FSTL1: variants seen among roughly 807,000 people sequenced by gnomAD.
FSTL1 encodes the protein follistatin like 1.
FSTL1 carries 24 observed loss-of-function variants against 45.9 expected under a neutral mutation model. The observed-to-expected ratio is 0.52, with a 90% CI of 0.38 to 0.74. The LOEUF is 0.74. Ranked by LOEUF, FSTL1 falls within the 30% of genes least tolerant of loss-of-function variation. FSTL1 has a pLI of 0.00. For synonymous variants in FSTL1, 120 were observed against 137.6 expected (o/e 0.87, Z 0.89); for missense variants, 340 against 381.8 (o/e 0.89, Z 0.91).
intron 2 of FSTL1, chr3:120,438,242 C>G (rs763893673): frequency 6.9e-6 from 1 of 143,888 alleles, no homozygotes; most frequent in African/African-American, 2.5e-5. Flanking sequence ...AAACTGCACA[C>G]TCTGAATTAG....
chr3:120,406,969 T>C (rs1187958503), intron 6 of FSTL1, among the ~76,000 whole-genome samples: 1 of 152,214 alleles, frequency 6.6e-6, no homozygotes, highest in Non-Finnish European at 1.5e-5. Flanking sequence ...CTTACACATA[T>C]AGCCTGAAGG....
chr3:120,411,732 T>G (rs1937057704), intron 4 of FSTL1, 122 bp downstream of exon 4: 3 of 899,324 alleles, frequency 3.3e-6, no homozygotes, highest in Non-Finnish European at 5.2e-6. Context: ...ACTGGGCGCT[T>G]TCCACAGCTT....
chr3:120,417,957 CTG>C (rs1385915425), intron 2 of FSTL1, among the ~76,000 whole-genome samples: 4 of 152,318 alleles, frequency 2.6e-5, no homozygotes, highest in Admixed American at 1.3e-4. Context: ...GAAGTACCAA[CTG>C]TAAAACAAGC....
chr3:120,418,631 G>A (rs1335038228), intron 2 of FSTL1, among the ~76,000 whole-genome samples: 1 of 152,214 alleles, frequency 6.6e-6, no homozygotes, highest in Non-Finnish European at 1.5e-5. Context: ...ATTAGCAAGT[G>A]TCGGGAGAAT....
At position 120,395,789 on chromosome 3, in the gene FSTL1, A is replaced by T; in HGVS notation, c.*1163T>A. On this transcript the variant is annotated 3_prime_UTR_variant, in exon 11 of 11. Coordinates refer to ENST00000295633, the MANE Select transcript of FSTL1 (RefSeq NM_007085.5). ...AAGGTTAGTGCATTCTTACCAGCTC[A>T]CTGAGGAAACTGAGGTCCAGAAAAA... The T allele has an allele frequency of 2.0e-6, 1 of 501,266 alleles. No individual in the cohort carries two copies. Among genetic ancestry groups the T allele is most frequent in the Non-Finnish European group, 4.0e-6 (1 of 248,202 alleles). 31.1% of individuals were successfully genotyped at this position (501,266 alleles called of 1,614,324 possible).
Position 120,402,875 on chromosome 3 carries a change from G to A in FSTL1, c.738C>T (p.Thr246=), listed in dbSNP as rs201866874. Residue 246 remains threonine, a synonymous_variant, in exon 9 of 11, where the codon ACC becomes ACT. Coordinates refer to ENST00000295633, the MANE Select transcript of FSTL1 (RefSeq NM_007085.5). The part of the protein sequence containing the change: ...EDETYADGAE[T]EVDCNRCVCA... ...AGACACAGCGGTTACAGTCCACCTC[G>A]GTCTCAGCTCCATCTGCATACGTTT... The A allele has an allele frequency of 4.4e-5, 71 of 1,613,456 alleles. No individual in the cohort carries two copies. In the Admixed American group the frequency reaches 7.3e-4, roughly 17 times the overall value.
At position 120,399,969 on chromosome 3, in the gene FSTL1, G is replaced by C; in HGVS notation, c.806-10C>G. On this transcript the variant is annotated splice_polypyrimidine_tract_variant and intron_variant, in intron 9 of 10. Coordinates refer to ENST00000295633, the MANE Select transcript of FSTL1 (RefSeq NM_007085.5). Reference sequence around the variant, plus strand: ...CCCTTCTGATTCTTTCCTGCAAGAAGAACCAAAGCTCAGAGCAGTAGCAGC... The same window carrying C: ...CCCTTCTGATTCTTTCCTGCAAGAACAACCAAAGCTCAGAGCAGTAGCAGC... 6.3e-7 allele frequency: 1 copy of C among 1,593,284 alleles called. No homozygotes were observed. Among genetic ancestry groups the C allele is most frequent in the Admixed American group, 1.7e-5 (1 of 58,684 alleles).
At chr3:120,426,327 C>A (rs572131910) in intron 2 of FSTL1, among the ~76,000 whole-genome samples, 10 of 152,278 alleles carry the variant, frequency 6.6e-5, no homozygotes, top group Non-Finnish European at 1.2e-4. Flanking sequence ...TCCCTCCATC[C>A]CATGCAAGCC....
At chr3:120,439,474 T>C (rs1937605327) in intron 2 of FSTL1, among the ~76,000 whole-genome samples, 1 of 152,224 alleles carries the variant, frequency 6.6e-6, no homozygotes, top group South Asian at 2.1e-4. Context: ...AGAACTGGCT[T>C]TTGATGGAGG....
rs770785677 is a variant in FSTL1, at chr3:120,395,728, G to A, written c.*1224C>T. On this transcript the variant is annotated 3_prime_UTR_variant, in exon 11 of 11. Coordinates refer to ENST00000295633, the MANE Select transcript of FSTL1 (RefSeq NM_007085.5). ...GAACCTATCTCCCCTCTGGACCAAT[G>A]ATCAGAACCACAGAATTTATAACTT... 7.5e-6 allele frequency: 4 copies of A among 534,302 alleles called. No homozygotes were observed. Among genetic ancestry groups the A allele is most frequent in the South Asian group, 5.6e-5 (4 of 71,566 alleles). The allele number at this position is 534,302 out of a possible 1,614,324, so 33.1% of individuals were successfully genotyped here.
At chr3:120,407,527 T>G (rs1372741881) in intron 6 of FSTL1, among the ~76,000 whole-genome samples, 1 of 152,244 alleles carries the variant, frequency 6.6e-6, no homozygotes, top group Non-Finnish European at 1.5e-5. Flanking sequence ...GATTTTGGCC[T>G]TATTCAAATT....
chr3:120,396,013 G>A lies in FSTL1; in HGVS notation c.*939C>T, dbSNP rs972947906. On this transcript the variant is annotated 3_prime_UTR_variant, in exon 11 of 11. Transcript: ENST00000295633. ...TGAAGATGCTTCTTCCCCTGGCTTC[G>A]GTCTAAGGCACCCTTGCTCCTCTGG... 3.7e-6 allele frequency: 1 copy of A among 267,712 alleles called. No individual in the cohort carries two copies. Among genetic ancestry groups the A allele is most frequent in the Non-Finnish European group, 7.1e-6 (1 of 140,376 alleles). 16.6% of individuals were successfully genotyped at this position (267,712 alleles called of 1,614,324 possible).
intron 2 of FSTL1, among the ~76,000 whole-genome samples, chr3:120,432,095 A>AT (rs1245397803): frequency 1.3e-5 from 2 of 152,196 alleles, no homozygotes; most frequent in Non-Finnish European, 2.9e-5. Context: ...TCTTAGCTAA[A>AT]TATGCTTTTT....
intron 9 of FSTL1, among the ~76,000 whole-genome samples, chr3:120,400,626 A>G (rs542404954): frequency 2.0e-5 from 3 of 152,208 alleles, no homozygotes; most frequent in Non-Finnish European, 2.9e-5. Flanking sequence ...CTTCTAGGAC[A>G]TATCTTCCAA....
At chr3:120,432,577 A>C (rs2107667036) in intron 2 of FSTL1, among the ~76,000 whole-genome samples, 1 of 152,250 alleles carries the variant, frequency 6.6e-6, no homozygotes, top group East Asian at 1.9e-4. Context: ...TCTACACAAA[A>C]ATGTACTAGC....
Position 120,412,838 on chromosome 3 carries a change from G to GCGCGCGCACACA in FSTL1, c.169-856_169-855insTGTGTGCGCGCG, listed in dbSNP as rs1429168694. Among the ~76,000 whole-genome samples the GCGCGCGCACACA allele has an allele frequency of 8.5e-5, 9 of 106,186 alleles. No individual in the cohort carries two copies. The East Asian group carries it at 1.2e-3, about 14-fold the overall frequency. 69.7% of individuals were successfully genotyped at this position (106,186 alleles called of 152,430 possible). ...CACATGTGCGCGCGCGCGCGCGCGC[G>GCGCGCGCACACA]CACACACACACACACACACACACAC... On this transcript the variant is annotated intron_variant, in intron 3 of 10. Coordinates refer to ENST00000295633, the MANE Select transcript of FSTL1 (RefSeq NM_007085.5).
At position 120,410,997 on chromosome 3, in the gene FSTL1, AAG is replaced by A; in HGVS notation, c.299-15_299-14del. On this transcript the variant is annotated splice_polypyrimidine_tract_variant and intron_variant, in intron 4 of 10. Coordinates refer to ENST00000295633, the MANE Select transcript of FSTL1 (RefSeq NM_007085.5). ...ACGGATTTCTTCTCTGCAAGACAAA[AAG>A]AGAAAACGTGTAATGCGAAGTGAAG... 2 of 1,600,372 alleles carry A rather than the reference AAG, an allele frequency of 1.2e-6. No individual in the cohort carries two copies. Among genetic ancestry groups the A allele is most frequent in the Non-Finnish European group, 1.7e-6 (2 of 1,172,054 alleles).
intron 4 of FSTL1, 68 bp downstream of exon 4, chr3:120,411,786 G>T (rs1707956310): frequency 3.5e-6 from 5 of 1,418,916 alleles, no homozygotes; most frequent in Non-Finnish European, 4.9e-6. Flanking sequence ...GGTCAGCCAG[G>T]CCACACTGCT....
At chr3:120,445,008 C>T (rs1173227332) in intron 2 of FSTL1, among the ~76,000 whole-genome samples, 1 of 149,712 alleles carries the variant, frequency 6.7e-6, no homozygotes, top group African/African-American at 2.6e-5. Flanking sequence ...ACATGACTGA[C>T]ATCTTATGTA....
Sources: gnomAD v4.1 joint callset for allele counts (sites outside exome capture counted in the v4.1 genomes callset) on GRCh38, gnomAD v4.1.1 for gene constraint, MANE v1.5 for transcripts, NCBI Gene and HGNC (gene_info 2026-07-23, HGNC 2026-07-21) for gene names.